The following C5 variants were observed in gnomAD, a reference collection of about 807,000 sequenced individuals.
C5 encodes C3 and PZP-like alpha-2-macroglobulin domain-containing protein 4.
A neutral mutation model predicts 218.8 loss-of-function variants in C5; 140 were observed. That is an observed-to-expected ratio of 0.64 (90% CI 0.56 to 0.74). The LOEUF (loss-of-function observed/expected upper bound fraction) is 0.74, where lower values mean the gene tolerates loss of function less well. C5 is among the 30% of genes least tolerant of loss of function. The pLI is 0.00. For synonymous variants in C5, 614 were observed against 682.3 expected (o/e 0.90, Z 1.56); for missense variants, 1,700 against 1,969.6 (o/e 0.86, Z 2.59).
At chr9:121,063,314 C>T in the C5 span, among the ~76,000 whole-genome samples, 1 of 151,586 alleles carries the variant, frequency 6.6e-6, no homozygotes, top group South Asian at 2.1e-4. Context: ...GTTGAGTGTC[C>T]CTATTGAATT....
intron 33 of C5, among the ~76,000 whole-genome samples, chr9:120,964,346 T>A (rs568595969): frequency 1.6e-4 from 24 of 152,258 alleles, no homozygotes; most frequent in African/African-American, 5.3e-4. Flanking sequence ...CCGGGCTTGG[T>A]GGGACACACC....
chr9:121,047,141 G>T (rs188938192), intron 1 of C5, among the ~76,000 whole-genome samples: 1 of 152,254 alleles, frequency 6.6e-6, no homozygotes, highest in Non-Finnish European at 1.5e-5. Flanking sequence ...TACAGCTCTT[G>T]TTAATTTTTA....
chr9:121,054,262 A>G (rs998962983), upstream of C5, among the ~76,000 whole-genome samples: 14 of 152,180 alleles, frequency 9.2e-5, no homozygotes, highest in East Asian at 2.7e-3. Flanking sequence ...GCAAGGAATC[A>G]CACCCTACAA....
intron 27 of C5, 34 bp from the exon 28 acceptor site, chr9:120,980,288 T>C (rs775286413): frequency 6.3e-7 from 1 of 1,585,822 alleles, no homozygotes; most frequent in South Asian, 1.1e-5. Flanking sequence ...AGTTTCTATG[T>C]CAAGCAACCA....
intron 26 of C5, among the ~76,000 whole-genome samples, chr9:120,982,229 T>C (rs2046999802): frequency 6.6e-6 from 1 of 152,106 alleles, no homozygotes; most frequent in Admixed American, 6.5e-5. Context: ...CCAGGCTGGT[T>C]TTGAACTCCT....
chr9:121,057,284 A>C, the C5 span, among the ~76,000 whole-genome samples: 3 of 152,264 alleles, frequency 2.0e-5, no homozygotes, highest in African/African-American at 7.2e-5. Flanking sequence ...AAAGTATAAA[A>C]CTCGCTGGTA....
intron 10 of C5, 134 bp from the exon 11 acceptor site, chr9:121,021,828 G>T: frequency 1.7e-5 from 14 of 814,296 alleles, no homozygotes; most frequent in Non-Finnish European, 6.1e-6. Context: ...TTTTTTTTCT[G>T]AGACAGAGAC....
chr9:121,049,991 A>T (rs1193371203), intron 1 of C5, among the ~76,000 whole-genome samples, 191 bp downstream of exon 1: 1 of 152,212 alleles, frequency 6.6e-6, no homozygotes, highest in Non-Finnish European at 1.5e-5. Context: ...AATTCCATAA[A>T]AGCTGTCATG....
intron 36 of C5, 136 bp downstream of exon 36, chr9:120,962,535 C>A: frequency 1.3e-6 from 1 of 761,796 alleles, no homozygotes; most frequent in Non-Finnish European, 2.4e-6. Flanking sequence ...TTTGAATGTT[C>A]AAATTGGGAC....
rs1274468902 is a variant in C5, at chr9:121,043,037, TA to T, written c.387del (p.His129GlnfsTer13). ...TCTGGAGTATAAACAGGTTTGTCTG[TA>T]TGAATGAAGAGAAATCCATTGTCAT... ...ITYDNGFLFI[H>X]TDKPVYTPDQ... On this transcript the variant is annotated frameshift_variant, in exon 3 of 41. Transcript: ENST00000223642. LOFTEE classifies it high-confidence loss of function. 6.2e-7 allele frequency: 1 copy of T among 1,613,114 alleles called. No individual in the cohort carries two copies. Among genetic ancestry groups the T allele is most frequent in the Non-Finnish European group, 8.5e-7 (1 of 1,179,296 alleles).
At chr9:120,984,244 A>T (rs1399269299) in intron 25 of C5, among the ~76,000 whole-genome samples, 4 of 152,090 alleles carry the variant, frequency 2.6e-5, no homozygotes, top group African/African-American at 9.7e-5. Flanking sequence ...GCCCCTCCAC[A>T]ACTAGGTGCC....
At chr9:121,015,644 C>T (rs571203476) in intron 15 of C5, among the ~76,000 whole-genome samples, 45 of 152,172 alleles carry the variant, frequency 3.0e-4, no homozygotes, top group African/African-American at 1.1e-3. Context: ...ACCACAGTAT[C>T]AAGTATAATT....
intron 22 of C5, among the ~76,000 whole-genome samples, chr9:120,992,256 T>G (rs2131715668): frequency 6.6e-6 from 1 of 152,362 alleles, no homozygotes; most frequent in Non-Finnish European, 1.5e-5. Flanking sequence ...TCTTTCTTCA[T>G]TAATCCTTGA....
intron 39 of C5, chr9:120,957,016 CTAAAA>C (rs1228037476): frequency 4.8e-5 from 18 of 373,588 alleles, no homozygotes; most frequent in East Asian, 4.5e-4. Context: ...TCCCCTGAAC[CTAAAA>C]TAAAAGTTGT....
At chr9:121,073,750 G>C in the C5 span, among the ~76,000 whole-genome samples, 1 of 152,070 alleles carries the variant, frequency 6.6e-6, no homozygotes, top group African/African-American at 2.4e-5. Context: ...CTGACCTCAA[G>C]TGATCCTCCC....
At chr9:121,066,311 T>TAAA in the C5 span, among the ~76,000 whole-genome samples, 1 of 64,232 alleles carries the variant, frequency 1.6e-5, no homozygotes, top group Non-Finnish European at 2.9e-5. Context: ...GACTCCATCT[T>TAAA]AAAAAAAAAA....
intron 21 of C5, 66 bp downstream of exon 21, chr9:120,997,481 C>G: frequency 8.7e-7 from 1 of 1,147,156 alleles, no homozygotes; most frequent in Non-Finnish European, 1.3e-6. Context: ...GTTTCTCTCC[C>G]CCCCCTTTCT....
intron 29 of C5, 37 bp downstream of exon 29, chr9:120,976,663 G>A: frequency 6.5e-7 from 1 of 1,538,184 alleles, no homozygotes; most frequent in Non-Finnish European, 9.0e-7. Context: ...AAATAAAAAT[G>A]TCTACAGGGA....
chr9:121,015,299 A>C (rs762003619), intron 15 of C5, 38 bp from the exon 16 acceptor site: 1 of 1,388,418 alleles, frequency 7.2e-7, no homozygotes, highest in Admixed American at 1.7e-5. Flanking sequence ...GAAGGATTAA[A>C]AAGGAGATAA....
Sources: allele counts gnomAD v4.1 joint callset (sites outside exome capture counted in the v4.1 genomes callset), GRCh38; gene constraint gnomAD v4.1.1; transcripts MANE v1.5; gene names NCBI Gene and HGNC (gene_info 2026-07-23, HGNC 2026-07-21).